The following FMN1 variants were observed in gnomAD, a reference collection of about 807,000 sequenced individuals.
FMN1 encodes the protein formin-1.
In FMN1, 110 loss-of-function variants were observed where a neutral mutation model predicts 132.4. That is an observed-to-expected ratio of 0.83 (90% CI 0.71 to 0.97). The LOEUF is 0.97. Among genes scored for constraint, FMN1 ranks in the 50% least tolerant of loss-of-function variants. The pLI is 0.00. For synonymous variants in FMN1, 722 were observed against 651.7 expected (o/e 1.11, Z -1.64); for missense variants, 1,792 against 1,705.3 (o/e 1.05, Z -0.90).
intron 3 of FMN1, among the ~76,000 whole-genome samples, chr15:33,167,844 C>T (rs778455170): frequency 2.6e-5 from 4 of 152,072 alleles, no homozygotes; most frequent in Non-Finnish European, 5.9e-5. Flanking sequence ...AGGTCTTTAT[C>T]CTTATTGTCT....
At chr15:32,947,454 G>A (rs2061534186) in intron 9 of FMN1, among the ~76,000 whole-genome samples, 1 of 151,810 alleles carries the variant, frequency 6.6e-6, no homozygotes, top group African/African-American at 2.4e-5. Context: ...TCCTTTATAT[G>A]AGGTAGAATA....
At chr15:33,003,085 A>C (rs1180237392) in intron 7 of FMN1, among the ~76,000 whole-genome samples, 1 of 151,620 alleles carries the variant, frequency 6.6e-6, no homozygotes, top group South Asian at 2.1e-4. Flanking sequence ...AGAGCTATCT[A>C]TCAATATCAT....
chr15:32,917,577 G>T (rs1330328775), intron 10 of FMN1, among the ~76,000 whole-genome samples: 1 of 152,146 alleles, frequency 6.6e-6, no homozygotes, highest in Admixed American at 6.5e-5. Flanking sequence ...TATGAGGCGG[G>T]TGCGTTTGTT....
chr15:32,909,133 TG>T (rs2060497985), intron 11 of FMN1, among the ~76,000 whole-genome samples: 1 of 152,244 alleles, frequency 6.6e-6, no homozygotes, highest in African/African-American at 2.4e-5. Flanking sequence ...ATCTCTACTG[TG>T]AGCTAACAAG....
chr15:33,033,774 G>A (rs1164958213), intron 6 of FMN1, among the ~76,000 whole-genome samples: 4 of 150,884 alleles, frequency 2.7e-5, no homozygotes, highest in South Asian at 2.1e-4. Context: ...CTTTTATCCC[G>A]ACACCTCCAA....
chr15:33,062,350 G>A (rs933326270), intron 6 of FMN1, among the ~76,000 whole-genome samples: 1 of 152,070 alleles, frequency 6.6e-6, no homozygotes, highest in Non-Finnish European at 1.5e-5. Context: ...GGCCAGGCAC[G>A]GTGGCTCACA....
chr15:33,119,432 T>TC (rs1456640664), intron 4 of FMN1, among the ~76,000 whole-genome samples: 1 of 152,098 alleles, frequency 6.6e-6, no homozygotes, highest in Non-Finnish European at 1.5e-5. Flanking sequence ...GGGATGTGCC[T>TC]CCCCTGCTCC....
rs193181628 is a variant in FMN1, at chr15:33,184,143, A to G, written c.-196-3881T>C. On this transcript the variant is annotated intron_variant, in intron 2 of 20. Coordinates refer to ENST00000616417, the MANE Select transcript of FMN1 (RefSeq NM_001277313.2). ...CATCTCTATTCATTTTTATAAAAGC[A>G]TTTCTACCTAAACATCCATGCAGGT... 5.6e-4 allele frequency among the ~76,000 whole-genome samples: 86 copies of G among 152,342 alleles called. No homozygotes were observed. The East Asian group carries it at 0.013, about 23-fold the overall frequency.
intron 6 of FMN1, among the ~76,000 whole-genome samples, chr15:33,024,224 T>C (rs1221262499): frequency 3.1e-4 from 2 of 6,408 alleles, no homozygotes; most frequent in Admixed American, 2.5e-3. Flanking sequence ...ACCTATCAGA[T>C]TTTTTTTTTT....
At chr15:33,071,940 C>T (rs560644565) in intron 5 of FMN1, among the ~76,000 whole-genome samples, 1 of 152,298 alleles carries the variant, frequency 6.6e-6, no homozygotes, top group East Asian at 1.9e-4. Flanking sequence ...AAATAAGCAC[C>T]TATTACACAA....
At chr15:33,151,719 G>A (rs2444983) in intron 4 of FMN1, among the ~76,000 whole-genome samples, 11,127 of 151,816 alleles carry the variant, frequency 0.073, 1,269 homozygotes, top group East Asian at 0.55. Flanking sequence ...ATCTCAGAGA[G>A]TTTCCTTGTC....
intron 19 of FMN1, among the ~76,000 whole-genome samples, chr15:32,792,638 C>A (rs1371503389): frequency 6.6e-6 from 1 of 152,086 alleles, no homozygotes. Context: ...CCAGCTAAGC[C>A]TACATTTCCT....
At chr15:32,810,125 C>T (rs1459294834) in intron 17 of FMN1, among the ~76,000 whole-genome samples, 1 of 152,116 alleles carries the variant, frequency 6.6e-6, no homozygotes, top group Non-Finnish European at 1.5e-5. Flanking sequence ...CCATGTTGGC[C>T]AGGCTGGTCT....
chr15:33,119,556 T>G (rs1428033889), intron 4 of FMN1, among the ~76,000 whole-genome samples: 3 of 152,228 alleles, frequency 2.0e-5, no homozygotes, highest in Non-Finnish European at 4.4e-5. Flanking sequence ...TATAGCCCTA[T>G]TAATGATAAA....
chr15:33,012,984 T>C (rs2034816905), intron 6 of FMN1: 5 of 451,288 alleles, frequency 1.1e-5, no homozygotes, highest in South Asian at 6.8e-5. Context: ...GTTCCTATGA[T>C]GGTGGAAGCC....
At chr15:33,146,989 G>A (rs1480716078) in intron 4 of FMN1, among the ~76,000 whole-genome samples, 3 of 151,802 alleles carry the variant, frequency 2.0e-5, no homozygotes, top group African/African-American at 7.3e-5. Context: ...CCTGGCCAAC[G>A]TGGTGAAATC....
At position 32,964,273 on chromosome 15, in the gene FMN1, G is replaced by A; in HGVS notation, c.2988-16C>T. 1.9e-6 allele frequency: 3 copies of A among 1,546,554 alleles called. No individual in the cohort carries two copies. The highest frequency in any genetic ancestry group is 1.3e-5 in the South Asian group (1 of 78,596). The stretch of plus-strand genomic sequence containing the variant: ...AGCATTTTGGCTTAAAAGAGAAAAT[G>A]ACAAGTTAACCATAAGAACCAAAAC... On this transcript the variant is annotated splice_polypyrimidine_tract_variant and intron_variant, in intron 8 of 20. Transcript: ENST00000616417.
chr15:33,083,902 G>A lies in FMN1; in HGVS notation c.2043+4897C>T, dbSNP rs8030812. Among the ~76,000 whole-genome samples, 8 of 152,174 alleles carry A rather than the reference G, an allele frequency of 5.3e-5. No individual in the cohort carries two copies. In the East Asian group the frequency reaches 1.5e-3, roughly 29 times the overall value. Reference sequence around the variant, plus strand: ...AAAAGTGACCTCTGGTCATCCTCACGGCTCATTACATGCTAATTATAACGC... The same window carrying A: ...AAAAGTGACCTCTGGTCATCCTCACAGCTCATTACATGCTAATTATAACGC... On this transcript the variant is annotated intron_variant, in intron 5 of 20. Transcript: ENST00000616417.
At chr15:32,832,735 G>A (rs1360132559) in intron 17 of FMN1, among the ~76,000 whole-genome samples, 6 of 152,054 alleles carry the variant, frequency 3.9e-5, no homozygotes, top group African/African-American at 7.2e-5. Flanking sequence ...CTGAGATCGC[G>A]CCACTGCACT....
Sources: gnomAD v4.1 joint callset for allele counts (sites outside exome capture counted in the v4.1 genomes callset) on GRCh38, gnomAD v4.1.1 for gene constraint, MANE v1.5 for transcripts, NCBI Gene and HGNC (gene_info 2026-07-23, HGNC 2026-07-21) for gene names.